CACNA2D3: variants seen among roughly 807,000 people sequenced by gnomAD.
CACNA2D3 encodes the protein voltage-dependent calcium channel subunit alpha-2/delta-3.
A neutral mutation model predicts 160.6 loss-of-function variants in CACNA2D3; 60 were observed. That is an observed-to-expected ratio of 0.37 (90% CI 0.30 to 0.46). CACNA2D3 has a LOEUF of 0.46. Ranked by LOEUF, CACNA2D3 falls within the 20% of genes least tolerant of loss-of-function variation. The probability of loss-of-function intolerance (pLI) is 1.00; values close to 1 mark genes in which losing one functional copy is unlikely to be tolerated. For missense variants in CACNA2D3, 1,205 were observed against 1,365.0 expected (o/e 0.88, Z 1.85); for synonymous variants, 558 against 492.9 (o/e 1.13, Z -1.75).
At chr3:54,152,551 G>A (rs1438270742) in intron 2 of CACNA2D3, among the ~76,000 whole-genome samples, 1 of 152,182 alleles carries the variant, frequency 6.6e-6, no homozygotes, top group Non-Finnish European at 1.5e-5. Flanking sequence ...TCCACCTCGT[G>A]GCCCAGGGAG....
At chr3:54,557,691 G>T (rs1020498349) in intron 5 of CACNA2D3, among the ~76,000 whole-genome samples, 2 of 152,144 alleles carry the variant, frequency 1.3e-5, no homozygotes, top group Non-Finnish European at 2.9e-5. Context: ...ATTAATTTAA[G>T]CGGGTTTTGC....
chr3:54,743,317 G>A (rs575426926), intron 11 of CACNA2D3, among the ~76,000 whole-genome samples: 2 of 152,302 alleles, frequency 1.3e-5, no homozygotes, highest in African/African-American at 4.8e-5. Context: ...AATGGGTGAT[G>A]AGGATGACGG....
intron 2 of CACNA2D3, among the ~76,000 whole-genome samples, chr3:54,249,946 G>A (rs1055221392): frequency 6.6e-6 from 1 of 152,014 alleles, no homozygotes; most frequent in Non-Finnish European, 1.5e-5. Context: ...GTGGGTGGTG[G>A]AGCACCCAAG....
At position 55,074,304 on chromosome 3, in the gene CACNA2D3, T is replaced by TGAATATAGTCCAACCATC; in HGVS notation, c.*99_*116dup. The TGAATATAGTCCAACCATC allele has an allele frequency of 3.3e-6, 3 of 919,988 alleles. No homozygotes were observed. Among genetic ancestry groups the TGAATATAGTCCAACCATC allele is most frequent in the Non-Finnish European group, 1.8e-6 (1 of 553,726 alleles). The allele number at this position is 919,988 out of a possible 1,614,324, so 57.0% of individuals were successfully genotyped here. A position where few individuals can be genotyped will look rare whatever the true frequency, so the allele number is the denominator to read the frequency against. On this transcript the variant is annotated 3_prime_UTR_variant, in exon 38 of 38. Transcript: ENST00000474759. The stretch of plus-strand genomic sequence containing the variant: ...AAAATATGGTGCAACATACGAGACA[T>TGAATATAGTCCAACCATC]GAATATAGTCCAACCATCAGCATCT...
In CACNA2D3 at chr3:54,283,769, AGAG is replaced by A. The variant is rs562924437; in HGVS notation, c.205-36670_205-36668del. Among the ~76,000 whole-genome samples, 321 of 117,642 alleles carry A rather than the reference AGAG, an allele frequency of 2.7e-3. 4 individuals are homozygous for A. The highest frequency in any genetic ancestry group is 9.4e-3 in the African/African-American group (297 of 31,452). The allele number at this position is 117,642 out of a possible 152,430, so 77.2% of individuals were successfully genotyped here. Reference sequence around the variant, plus strand: ...ACCAGAGGTGTTTCTCTGTGTAGATAGAGGAAGAGGCTGCTGATTTTTTTTAAA... The same window carrying A: ...ACCAGAGGTGTTTCTCTGTGTAGATAGAAGAGGCTGCTGATTTTTTTTAAA... On this transcript the variant is annotated intron_variant, in intron 2 of 37. Transcript: ENST00000474759.
chr3:54,879,579 AG>A (rs1025396907), intron 20 of CACNA2D3, among the ~76,000 whole-genome samples, 168 bp downstream of exon 20: 20 of 152,098 alleles, frequency 1.3e-4, no homozygotes, highest in African/African-American at 4.3e-4. Flanking sequence ...GTTTTCCAGA[AG>A]GGGGGGAGAT....
intron 4 of CACNA2D3, among the ~76,000 whole-genome samples, chr3:54,443,909 A>G (rs539442158): frequency 1.2e-4 from 18 of 152,164 alleles, no homozygotes; most frequent in Non-Finnish European, 2.5e-4. Flanking sequence ...TGGGAAGGGC[A>G]TGGGGAGGAT....
At chr3:54,821,642 T>TTC (rs1703596042) in intron 14 of CACNA2D3, among the ~76,000 whole-genome samples, 1 of 24,242 alleles carries the variant, frequency 4.1e-5, no homozygotes, top group Non-Finnish European at 1.0e-4. Flanking sequence ...GAGTCTTTCG[T>TTC]TCTTTCTTTC....
chr3:54,194,609 A>ATT (rs932034453), intron 2 of CACNA2D3, among the ~76,000 whole-genome samples: 1 of 152,200 alleles, frequency 6.6e-6, no homozygotes. Flanking sequence ...AGACTGGGTA[A>ATT]TTTATGAAGA....
intron 2 of CACNA2D3, among the ~76,000 whole-genome samples, chr3:54,220,808 G>A (rs911723894): frequency 6.6e-6 from 1 of 152,158 alleles, no homozygotes; most frequent in African/African-American, 2.4e-5. Context: ...AGGGTGTCCT[G>A]CTCAGCTATG....
chr3:54,918,883 G>T (rs760289889), intron 27 of CACNA2D3: 1 of 1,530,494 alleles, frequency 6.5e-7, no homozygotes, highest in Admixed American at 2.1e-5. Context: ...GATGCCGTCT[G>T]TTAGTCCCCC....
chr3:54,824,143 G>A (rs1703699639), intron 14 of CACNA2D3, among the ~76,000 whole-genome samples: 1 of 152,210 alleles, frequency 6.6e-6, no homozygotes, highest in Admixed American at 6.5e-5. Flanking sequence ...TTTATAAACA[G>A]TGGGTTGTCT....
intron 2 of CACNA2D3, among the ~76,000 whole-genome samples, chr3:54,317,176 G>C (rs1703882442): frequency 6.6e-6 from 1 of 152,164 alleles, no homozygotes; most frequent in Admixed American, 6.5e-5. Flanking sequence ...GCTTCCATTT[G>C]AACTTAGGAA....
chr3:54,160,876 AAAG>A (rs1396676912), intron 2 of CACNA2D3, among the ~76,000 whole-genome samples: 1 of 152,164 alleles, frequency 6.6e-6, no homozygotes, highest in Non-Finnish European at 1.5e-5. Context: ...TTTTTATGTC[AAAG>A]GAGTAAGAAA....
intron 4 of CACNA2D3, among the ~76,000 whole-genome samples, chr3:54,482,454 G>A (rs1470798386): frequency 2.6e-5 from 4 of 152,176 alleles, no homozygotes; most frequent in Non-Finnish European, 5.9e-5. Context: ...AGCAAGCAGG[G>A]AGATCTGAAT....
chr3:54,183,532 TA>T (rs201467079), intron 2 of CACNA2D3, among the ~76,000 whole-genome samples: 37 of 149,336 alleles, frequency 2.5e-4, no homozygotes, highest in African/African-American at 7.3e-4. Flanking sequence ...GCCCATAGAT[TA>T]AAAAAAAAAT....
At chr3:54,619,595 C>T (rs1698936067) in intron 9 of CACNA2D3, among the ~76,000 whole-genome samples, 1 of 152,216 alleles carries the variant, frequency 6.6e-6, no homozygotes, top group African/African-American at 2.4e-5. Flanking sequence ...GCTCAGATGC[C>T]ATTCTATCAG....
intron 29 of CACNA2D3, among the ~76,000 whole-genome samples, chr3:54,972,487 T>TC (rs986859039): frequency 6.6e-6 from 1 of 152,156 alleles, no homozygotes; most frequent in African/African-American, 2.4e-5. Flanking sequence ...CATGTTCCTC[T>TC]CCCCCAACTG....
intron 29 of CACNA2D3, among the ~76,000 whole-genome samples, chr3:54,973,229 C>G (rs932792091): frequency 6.6e-6 from 1 of 152,134 alleles, no homozygotes; most frequent in Non-Finnish European, 1.5e-5. Flanking sequence ...AGTTAGCATT[C>G]AGGACAGAAG....
Sources: allele counts gnomAD v4.1 joint callset (sites outside exome capture counted in the v4.1 genomes callset), GRCh38; gene constraint gnomAD v4.1.1; transcripts MANE v1.5; gene names NCBI Gene and HGNC (gene_info 2026-07-23, HGNC 2026-07-21).